Variants in RAB28 observed in about 807,000 individuals in gnomAD.
RAB28 encodes RAB28, member RAS oncogene family.
In RAB28, 24 loss-of-function variants were observed where a neutral mutation model predicts 31.7. That is an observed-to-expected ratio of 0.76 (90% confidence interval 0.55 to 1.06). The LOEUF is 1.06. RAB28 is among the 50% of genes least tolerant of loss of function. The pLI is 0.00. For missense variants in RAB28, 254 were observed against 258.5 expected (o/e 0.98, Z 0.12); for synonymous variants, 100 against 90.4 (o/e 1.11, Z -0.60).
Position 13,460,897 on chromosome 4 carries a change from G to A in RAB28, c.262-69C>T, listed in dbSNP as rs73817404. 21 of 1,437,064 alleles carry A rather than the reference G, an allele frequency of 1.5e-5. No homozygotes were observed. In the East Asian group the frequency reaches 1.8e-4, roughly 13 times the overall value. The allele number at this position is 1,437,064 out of a possible 1,614,324, so 89.0% of individuals were successfully genotyped here. ...TGAAAAAATCTTAATGAATACTTGC[G>A]TAATGCTTCAGATATGTCAAAATGG... On this transcript the variant is annotated intron_variant, in intron 3 of 6. Coordinates refer to ENST00000330852, the MANE Select transcript of RAB28 (RefSeq NM_001017979.3).
At chr4:13,464,682 A>C (rs567813412) in intron 3 of RAB28, among the ~76,000 whole-genome samples, 1 of 152,260 alleles carries the variant, frequency 6.6e-6, no homozygotes, top group Non-Finnish European at 1.5e-5. Flanking sequence ...ACCCACAGCT[A>C]AAGTAAACAC....
intron 6 of RAB28, among the ~76,000 whole-genome samples, chr4:13,372,532 T>C (rs147444847): frequency 1.5e-3 from 231 of 152,044 alleles, no homozygotes; most frequent in African/African-American, 5.4e-3. Flanking sequence ...AAAAGGTGAA[T>C]AGGAAAAAGA....
At chr4:13,420,066 A>G (rs1172594766) in intron 4 of RAB28, among the ~76,000 whole-genome samples, 1 of 152,228 alleles carries the variant, frequency 6.6e-6, no homozygotes, top group African/African-American at 2.4e-5. Context: ...AAAAAATGAT[A>G]AAGGGGATAT....
intron 2 of RAB28, among the ~76,000 whole-genome samples, chr4:13,475,902 A>C (rs955008431): frequency 3.3e-5 from 5 of 151,548 alleles, no homozygotes; most frequent in Non-Finnish European, 7.4e-5. Context: ...GCTAGCCATC[A>C]CTAAGAAGTA....
intron 5 of RAB28, 90 bp downstream of exon 5, chr4:13,381,399 TGC>T: frequency 1.2e-6 from 1 of 857,338 alleles, no homozygotes; most frequent in Non-Finnish European, 1.9e-6. Flanking sequence ...GGAATTAATT[TGC>T]TCCAAAAGTT....
chr4:13,436,441 C>T (rs926041771), intron 4 of RAB28, among the ~76,000 whole-genome samples: 1 of 152,014 alleles, frequency 6.6e-6, no homozygotes, highest in African/African-American at 2.4e-5. Context: ...CGTCATAATC[C>T]TATACCTAGA....
chr4:13,474,828 ACT>A (rs1392267402), intron 2 of RAB28, among the ~76,000 whole-genome samples: 1 of 151,662 alleles, frequency 6.6e-6, no homozygotes, highest in Non-Finnish European at 1.5e-5. Context: ...TAGGTTCTAA[ACT>A]CTATGGCTTC....
intron 4 of RAB28, among the ~76,000 whole-genome samples, chr4:13,394,702 C>A (rs187396522): frequency 8.5e-5 from 13 of 152,168 alleles, no homozygotes; most frequent in African/African-American, 3.1e-4. Context: ...AAGAGTGGTA[C>A]CTATAGCATA....
chr4:13,405,076 C>A (rs185239798), intron 4 of RAB28, among the ~76,000 whole-genome samples: 1 of 151,938 alleles, frequency 6.6e-6, no homozygotes, highest in African/African-American at 2.4e-5. Context: ...TGTCTCCTAA[C>A]GAGAATTTAA....
intron 2 of RAB28, among the ~76,000 whole-genome samples, chr4:13,475,449 A>C (rs1174127190): frequency 6.6e-6 from 1 of 151,686 alleles, no homozygotes; most frequent in Non-Finnish European, 1.5e-5. Context: ...AAAGATTATA[A>C]AGATATAAAT....
chr4:13,450,056 T>C (rs2108950104), intron 4 of RAB28, among the ~76,000 whole-genome samples: 1 of 152,028 alleles, frequency 6.6e-6, no homozygotes, highest in South Asian at 2.1e-4. Flanking sequence ...AGTTAATCTT[T>C]TTAAAAATTA....
intron 4 of RAB28, among the ~76,000 whole-genome samples, chr4:13,427,859 G>A (rs1350023083): frequency 6.6e-6 from 1 of 152,112 alleles, no homozygotes; most frequent in Non-Finnish European, 1.5e-5. Context: ...GACAAGCCGC[G>A]ACAAAACCCC....
intron 4 of RAB28, among the ~76,000 whole-genome samples, chr4:13,423,436 C>T (rs918698586): frequency 1.3e-5 from 2 of 149,946 alleles, no homozygotes; most frequent in Non-Finnish European, 2.9e-5. Flanking sequence ...ACTCGGGAGG[C>T]TGCACGCCAT....
intron 5 of RAB28, 41 bp from the exon 6 acceptor site, chr4:13,376,663 T>A (rs749790445): frequency 1.3e-5 from 18 of 1,348,748 alleles, no homozygotes; most frequent in African/African-American, 2.9e-5. Context: ...AAAAGAGGCA[T>A]GCTTAAGTTA....
chr4:13,429,542 G>A (rs950404732), intron 4 of RAB28, among the ~76,000 whole-genome samples: 1 of 151,876 alleles, frequency 6.6e-6, no homozygotes, highest in African/African-American at 2.4e-5. Context: ...CTTTACAACA[G>A]AATTAAAAAT....
At position 13,474,181 on chromosome 4, in the gene RAB28, A is replaced by T. The variant is rs756836895; in HGVS notation, c.261+137T>A. On this transcript the variant is annotated intron_variant, in intron 3 of 6. Coordinates refer to ENST00000330852, the MANE Select transcript of RAB28 (RefSeq NM_001017979.3). ...GCATGAAACCAAAGAACTAGCACAA[A>T]TATAAAATTATTCTCTCTACGTATC... The T allele has an allele frequency of 9.1e-6, 7 of 772,608 alleles. No individual in the cohort carries two copies. The African/African-American group carries it at 1.0e-4, about 11-fold the overall frequency. 47.9% of individuals were successfully genotyped at this position (772,608 alleles called of 1,614,324 possible).
chr4:13,483,479 G>A (rs1716712005), intron 1 of RAB28, among the ~76,000 whole-genome samples: 1 of 152,196 alleles, frequency 6.6e-6, no homozygotes, highest in Admixed American at 6.5e-5. Context: ...AGTGGACACT[G>A]TGCTCTAAAG....
chr4:13,405,617 T>C (rs1210836686), intron 4 of RAB28, among the ~76,000 whole-genome samples: 2 of 152,164 alleles, frequency 1.3e-5, no homozygotes, highest in Admixed American at 6.5e-5. Context: ...ATGAATAAAA[T>C]TCATAAATTT....
Position 13,376,561 on chromosome 4 carries a change from T to C in RAB28, c.557A>G (p.Glu186Gly). ...GGTAATCACCTGTGACTGTTCTATT[T>C]CTGCTTTGTTTAATTTGATCCCAAG... is the stretch of plus-strand genomic sequence containing the variant. ...EILGIKLNKA[E>G]IEQSQRVVKA... The change falls in exon 6 of 7, where the codon GAA becomes GGA. Residue 186 changes from glutamate to glycine, a missense_variant. By Grantham distance (98) the Glu-to-Gly change is moderately conservative. Transcript: ENST00000330852. 6.2e-7 allele frequency: 1 copy of C among 1,603,538 alleles called. No individual in the cohort carries two copies. Among genetic ancestry groups the C allele is most frequent in the Non-Finnish European group, 8.5e-7 (1 of 1,176,170 alleles).
Sources: gnomAD v4.1 joint callset for allele counts (sites outside exome capture counted in the v4.1 genomes callset) on GRCh38, gnomAD v4.1.1 for gene constraint, MANE v1.5 for transcripts, NCBI Gene and HGNC (gene_info 2026-07-23, HGNC 2026-07-21) for gene names.